Variants in MEGF11 observed in about 807,000 individuals in gnomAD.
The protein encoded by MEGF11 is multiple epidermal growth factor-like domains protein 11.
In MEGF11, 126 loss-of-function variants were observed where a neutral mutation model predicts 146.6. That is an observed-to-expected ratio of 0.86 (90% confidence interval 0.74 to 1.00). The LOEUF (loss-of-function observed/expected upper bound fraction) is 1.00. Among genes scored for constraint, MEGF11 ranks in the 50% least tolerant of loss-of-function variants. The pLI, the probability that MEGF11 is intolerant of heterozygous loss-of-function variation, is 0.00. For synonymous variants in MEGF11, 532 were observed against 583.4 expected (o/e 0.91, Z 1.27); for missense variants, 1,509 against 1,521.2 (o/e 0.99, Z 0.13).
chr15:65,969,253 C>T (rs747917283), intron 8 of MEGF11, among the ~76,000 whole-genome samples: 1 of 152,182 alleles, frequency 6.6e-6, no homozygotes, highest in South Asian at 2.1e-4. Context: ...AACAAGCGGG[C>T]GGTTTGCACT....
chr15:66,073,669 C>T (rs1597054622), intron 5 of MEGF11, among the ~76,000 whole-genome samples: 1 of 152,314 alleles, frequency 6.6e-6, no homozygotes, highest in East Asian at 1.9e-4. Flanking sequence ...TTGGGCTCCT[C>T]TTTGTGGCAT....
chr15:65,982,624 G>C lies in MEGF11; in HGVS notation c.395-136C>G. On this transcript the variant is annotated intron_variant, in intron 5 of 25. Transcript: ENST00000395614. The surrounding 1 kb of genome is among the most constrained non-coding windows in gnomAD (Gnocchi z 5.6). ...GACAGGTGGCAGCAAGGGGTGCCTG[G>C]AAGCTTTGGTGCCTCATAACCTGCA... The C allele has an allele frequency of 9.2e-7, 1 of 1,081,768 alleles. No individual in the cohort carries two copies. Among genetic ancestry groups the C allele is most frequent in the Non-Finnish European group, 1.3e-6 (1 of 799,844 alleles). The allele number at this position is 1,081,768 out of a possible 1,614,324, so 67.0% of individuals were successfully genotyped here. A position where few individuals can be genotyped will look rare whatever the true frequency, so the allele number is the denominator to read the frequency against.
At chr15:66,180,196 G>A (rs890064942) in intron 1 of MEGF11, among the ~76,000 whole-genome samples, 9 of 152,208 alleles carry the variant, frequency 5.9e-5, no homozygotes, top group East Asian at 3.8e-4. Context: ...AGCCAGGGCC[G>A]TGCCCTGACC....
chr15:65,942,488 A>G (rs1177105651), intron 10 of MEGF11, among the ~76,000 whole-genome samples: 1 of 152,168 alleles, frequency 6.6e-6, no homozygotes, highest in African/African-American at 2.4e-5. Flanking sequence ...GTATTTAATA[A>G]TGTATATCCT....
intron 1 of MEGF11, among the ~76,000 whole-genome samples, chr15:66,214,270 G>A (rs893825959): frequency 6.6e-6 from 1 of 152,028 alleles, no homozygotes; most frequent in Non-Finnish European, 1.5e-5. Context: ...CCTGACCTCA[G>A]GTGGTCTGCG....
chr15:66,157,935 A>G (rs879493565), intron 1 of MEGF11, among the ~76,000 whole-genome samples: 2 of 152,208 alleles, frequency 1.3e-5, no homozygotes, highest in Admixed American at 6.5e-5. Flanking sequence ...CCAACCTCTG[A>G]GGTGGTAATA....
At chr15:66,202,414 C>G (rs1397830050) in intron 1 of MEGF11, among the ~76,000 whole-genome samples, 1 of 152,180 alleles carries the variant, frequency 6.6e-6, no homozygotes, top group African/African-American at 2.4e-5. Context: ...TAAGGTTGGG[C>G]TCCGTTCTCC....
rs139479219 is a variant in MEGF11, at chr15:66,066,949, G to A, written c.394+27453C>T. 9.1e-3 allele frequency among the ~76,000 whole-genome samples: 1,392 copies of A among 152,336 alleles called. 13 individuals are homozygous for A. Among genetic ancestry groups the A allele is most frequent in the Non-Finnish European group, 0.015 (1,016 of 68,026 alleles). ...AATTGATTCCAGTTCTCCTCCGTGT[G>A]AGGGTGGAGCGTGGTCACAGGGGGA... is the stretch of plus-strand genomic sequence containing the variant. On this transcript the variant is annotated intron_variant, in intron 5 of 25. Transcript: ENST00000395614.
chr15:65,906,193 A>T, intron 23 of MEGF11, 52 bp from the exon 24 acceptor site: 1 of 1,359,388 alleles, frequency 7.4e-7, no homozygotes, highest in Non-Finnish European at 1.0e-6. Context: ...AGGTTTACTT[A>T]GACTGCTTGT....
chr15:65,959,739 GAGGCACC>G (rs1258207483), intron 9 of MEGF11, among the ~76,000 whole-genome samples: 5 of 152,144 alleles, frequency 3.3e-5, no homozygotes, highest in Non-Finnish European at 7.3e-5. Context: ...CTAGGCTATT[GAGGCACC>G]AGGCACGTTA....
chr15:66,012,159 G>A (rs1008475046), intron 5 of MEGF11, among the ~76,000 whole-genome samples: 3 of 152,010 alleles, frequency 2.0e-5, no homozygotes, highest in South Asian at 2.1e-4. Flanking sequence ...AGGAATTTGA[G>A]ACCAACCTGG....
intron 3 of MEGF11, among the ~76,000 whole-genome samples, chr15:66,123,629 G>A (rs1458786175): frequency 6.6e-6 from 1 of 152,136 alleles, no homozygotes; most frequent in East Asian, 1.9e-4. Flanking sequence ...TCCCAAGTGT[G>A]AGGAAGTTGG....
chr15:66,252,377 C>G (rs1269913455), intron 1 of MEGF11, among the ~76,000 whole-genome samples: 2 of 152,242 alleles, frequency 1.3e-5, no homozygotes, highest in Non-Finnish European at 2.9e-5. Flanking sequence ...TCCTCCAACC[C>G]GCCGCAGGCC....
At chr15:65,959,544 T>C (rs945577252) in intron 9 of MEGF11, among the ~76,000 whole-genome samples, 1 of 152,208 alleles carries the variant, frequency 6.6e-6, no homozygotes, top group African/African-American at 2.4e-5. Context: ...GGAGACTTAC[T>C]TTTAAGTCTT....
intron 1 of MEGF11, among the ~76,000 whole-genome samples, chr15:66,203,815 A>C (rs1443715523): frequency 1.3e-5 from 2 of 152,254 alleles, no homozygotes; most frequent in African/African-American, 2.4e-5. Context: ...AGATACTAGA[A>C]GATATTAGAA....
intron 4 of MEGF11, among the ~76,000 whole-genome samples, chr15:66,100,897 T>G: frequency 7.2e-6 from 1 of 138,000 alleles, no homozygotes; most frequent in African/African-American, 2.8e-5. Flanking sequence ...AGCGAGCGTG[T>G]GGGTGGGTGG....
chr15:66,062,274 T>C (rs534239233), intron 5 of MEGF11, among the ~76,000 whole-genome samples: 107 of 152,384 alleles, frequency 7.0e-4, no homozygotes, highest in African/African-American at 2.4e-3. Context: ...TTCTAACTAA[T>C]AGAATATGGC....
At chr15:66,070,901 AG>A (rs376750800) in intron 5 of MEGF11, among the ~76,000 whole-genome samples, 324 of 152,274 alleles carry the variant, frequency 2.1e-3, no homozygotes, top group African/African-American at 7.2e-3. Flanking sequence ...TAGAAACCAA[AG>A]TTTATAGGAA....
chr15:66,226,521 T>C (rs2091856309), intron 1 of MEGF11, among the ~76,000 whole-genome samples: 1 of 152,176 alleles, frequency 6.6e-6, no homozygotes, highest in African/African-American at 2.4e-5. Context: ...GTGCTGGGAT[T>C]ACAGGCATGA....
Sources: allele counts gnomAD v4.1 joint callset (sites outside exome capture counted in the v4.1 genomes callset), GRCh38; gene constraint gnomAD v4.1.1; non-coding constraint Gnocchi (gnomAD v3.1); transcripts MANE v1.5; gene names NCBI Gene and HGNC (gene_info 2026-07-23, HGNC 2026-07-21).